The following CACNA2D3 variants were observed in gnomAD, a reference collection of about 807,000 sequenced individuals.
CACNA2D3 encodes voltage-dependent calcium channel subunit alpha-2/delta-3.
In CACNA2D3, 60 loss-of-function variants were observed where a neutral mutation model predicts 160.6. That is an observed-to-expected ratio of 0.37 (90% CI 0.30 to 0.46). The LOEUF (loss-of-function observed/expected upper bound fraction) is 0.46. CACNA2D3 is among the 20% of genes least tolerant of loss of function. The probability of loss-of-function intolerance (pLI) is 1.00; values close to 1 mark genes in which losing one functional copy is unlikely to be tolerated. For synonymous variants in CACNA2D3, 558 were observed against 492.9 expected (o/e 1.13, Z -1.75); for missense variants, 1,205 against 1,365.0 (o/e 0.88, Z 1.85).
At chr3:54,619,905 A>C (rs1261384485) in intron 9 of CACNA2D3, among the ~76,000 whole-genome samples, 1 of 152,238 alleles carries the variant, frequency 6.6e-6, no homozygotes, top group Non-Finnish European at 1.5e-5. Flanking sequence ...TGAGAGACTC[A>C]TCCCAGGTTG....
intron 11 of CACNA2D3, among the ~76,000 whole-genome samples, chr3:54,707,959 T>G (rs960460099): frequency 6.6e-6 from 1 of 152,178 alleles, no homozygotes; most frequent in Middle Eastern, 3.2e-3. Context: ...TAATTAAGAC[T>G]TGGTTATGTG....
At chr3:54,966,086 C>G (rs1197230526) in intron 27 of CACNA2D3, among the ~76,000 whole-genome samples, 1 of 152,046 alleles carries the variant, frequency 6.6e-6, no homozygotes, top group South Asian at 2.1e-4. Flanking sequence ...CGGGGAGCAG[C>G]TGGCTTCATC....
chr3:54,817,385 C>G (rs1471703705), intron 14 of CACNA2D3, among the ~76,000 whole-genome samples: 1 of 152,156 alleles, frequency 6.6e-6, no homozygotes, highest in Non-Finnish European at 1.5e-5. Context: ...AATGGCCAGA[C>G]CCTTTCACTG....
chr3:54,282,573 T>A (rs565594298), intron 2 of CACNA2D3, among the ~76,000 whole-genome samples: 5 of 152,354 alleles, frequency 3.3e-5, no homozygotes, highest in Admixed American at 1.3e-4. Context: ...TCTAGACATC[T>A]AGTCTGATCT....
intron 2 of CACNA2D3, among the ~76,000 whole-genome samples, chr3:54,187,415 T>G (rs1161553688): frequency 6.6e-6 from 1 of 152,202 alleles, no homozygotes; most frequent in East Asian, 1.9e-4. Flanking sequence ...TTAATTTTGT[T>G]AAAATACAGG....
chr3:54,288,192 G>A (rs891609555), intron 2 of CACNA2D3, among the ~76,000 whole-genome samples: 23 of 151,992 alleles, frequency 1.5e-4, no homozygotes, highest in Non-Finnish European at 1.9e-4. Context: ...TAATAAAGAA[G>A]AAAAGAGAGA....
intron 4 of CACNA2D3, among the ~76,000 whole-genome samples, chr3:54,403,226 G>A (rs537918085): frequency 2.2e-4 from 33 of 152,042 alleles, no homozygotes; most frequent in Middle Eastern, 6.8e-3. Context: ...TTGGTGGCAC[G>A]TACCTGTAGT....
At chr3:54,335,334 T>C (rs1704350173) in intron 3 of CACNA2D3, among the ~76,000 whole-genome samples, 1 of 152,222 alleles carries the variant, frequency 6.6e-6, no homozygotes, top group African/African-American at 2.4e-5. Flanking sequence ...GGCTACTCCA[T>C]AGGCAGAGCA....
At chr3:54,620,057 T>C (rs1698948298) in intron 9 of CACNA2D3, among the ~76,000 whole-genome samples, 1 of 152,092 alleles carries the variant, frequency 6.6e-6, no homozygotes, top group South Asian at 2.1e-4. Flanking sequence ...CTCTGAAAAA[T>C]GGGCTTCTGC....
intron 2 of CACNA2D3, among the ~76,000 whole-genome samples, chr3:54,139,018 C>T (rs1227948379): frequency 2.6e-5 from 4 of 152,154 alleles, no homozygotes; most frequent in Admixed American, 6.5e-5. Flanking sequence ...GGGGTCTGGA[C>T]GTCCAGGTTC....
chr3:54,665,572 C>T (rs1398790629), intron 11 of CACNA2D3, among the ~76,000 whole-genome samples: 1 of 152,012 alleles, frequency 6.6e-6, no homozygotes, highest in African/African-American at 2.4e-5. Flanking sequence ...ACCACATGTA[C>T]AGTAACTGCA....
At chr3:54,607,555 A>T (rs1409848540) in intron 9 of CACNA2D3, among the ~76,000 whole-genome samples, 1 of 152,156 alleles carries the variant, frequency 6.6e-6, no homozygotes, top group Non-Finnish European at 1.5e-5. Flanking sequence ...AAAAAAAAAT[A>T]CTGACAATAC....
At chr3:54,611,134 G>A (rs1559526039) in intron 9 of CACNA2D3, among the ~76,000 whole-genome samples, 1 of 152,276 alleles carries the variant, frequency 6.6e-6, no homozygotes, top group East Asian at 1.9e-4. Flanking sequence ...TAACCTTTGA[G>A]AGTTTGTGTC....
intron 35 of CACNA2D3, among the ~76,000 whole-genome samples, chr3:55,051,839 C>T (rs1400126069): frequency 1.3e-5 from 2 of 152,170 alleles, no homozygotes; most frequent in Non-Finnish European, 2.9e-5. Context: ...CGGAAAAGCG[C>T]AGTATTCGGG....
chr3:54,365,311 C>A (rs1436483349), intron 3 of CACNA2D3, among the ~76,000 whole-genome samples: 1 of 152,146 alleles, frequency 6.6e-6, no homozygotes, highest in Non-Finnish European at 1.5e-5. Flanking sequence ...GGCTTCTATT[C>A]CAGCAGATAA....
intron 2 of CACNA2D3, among the ~76,000 whole-genome samples, chr3:54,125,355 TC>T (rs1233887388): frequency 6.6e-6 from 1 of 152,214 alleles, no homozygotes; most frequent in African/African-American, 2.4e-5. Context: ...TCTTACCTTC[TC>T]ATCAGCATCC....
chr3:54,195,174 G>C (rs1351455411), intron 2 of CACNA2D3, among the ~76,000 whole-genome samples: 1 of 152,084 alleles, frequency 6.6e-6, no homozygotes, highest in Admixed American at 6.5e-5. Flanking sequence ...TTTGGTCTGG[G>C]TTAGGCCCAG....
chr3:54,504,946 C>T (rs769590062), intron 5 of CACNA2D3, among the ~76,000 whole-genome samples: 58 of 152,216 alleles, frequency 3.8e-4, no homozygotes, highest in Non-Finnish European at 6.3e-4. Flanking sequence ...TTTTAGCTGC[C>T]GTTGTTTTTA....
At chr3:55,008,234 G>A (rs1332571839) in intron 33 of CACNA2D3, among the ~76,000 whole-genome samples, 1 of 152,216 alleles carries the variant, frequency 6.6e-6, no homozygotes, top group Non-Finnish European at 1.5e-5. Flanking sequence ...AGGAATGGGT[G>A]CCTGTGAGAT....
Sources: gnomAD v4.1 joint callset for allele counts (sites outside exome capture counted in the v4.1 genomes callset) on GRCh38, gnomAD v4.1.1 for gene constraint, MANE v1.5 for transcripts, NCBI Gene and HGNC (gene_info 2026-07-23, HGNC 2026-07-21) for gene names.